The following AGAP4 variants were observed in gnomAD, a reference collection of about 807,000 sequenced individuals.
The protein encoded by AGAP4 is ArfGAP with GTPase domain, ankyrin repeat and PH domain 4.
Under a neutral mutation model 60.7 loss-of-function variants are expected in AGAP4, and 13 were observed. That is an observed-to-expected ratio of 0.21 (90% CI 0.14 to 0.34). The LOEUF is 0.34. AGAP4 is among the 10% of genes least tolerant of loss of function. The pLI is 1.00. For missense variants in AGAP4, 169 were observed against 884.0 expected, an observed-to-expected ratio of 0.19 and a Z score of 10.26; for synonymous variants, 70 against 339.0, an observed-to-expected ratio of 0.21 and a Z score of 8.72.
rs1311980704 is a variant in AGAP4, at chr10:45,837,832, A to G, written c.397-3716T>C. Among the ~76,000 whole-genome samples, 3 of 150,994 alleles carry G rather than the reference A, an allele frequency of 2.0e-5. No individual in the cohort carries two copies. The South Asian group carries it at 6.3e-4, about 32-fold the overall frequency. ...AGGCAAAGACTTCATGACCAAGAAC[A>G]CAAAAGCAAATGCAACAGAAACAAA... On this transcript the variant is annotated intron_variant, in intron 4 of 7. Transcript: ENST00000616763.
rs1320676102 is a variant in AGAP4 at position 45,831,504 on chromosome 10, C to A, written c.498-75G>T. The A allele has an allele frequency of 1.9e-5, 24 of 1,287,120 alleles. No individual in the cohort carries two copies. The African/African-American group carries it at 2.7e-4, about 15-fold the overall frequency. 79.7% of individuals were successfully genotyped at this position (1,287,120 alleles called of 1,614,324 possible). ...CTGAAGACATTTTTTAAAAGGGGGGCAGAGGAAACTCTCCTAGTGGCCCTG... is the reference window on the plus strand; with the variant it reads ...CTGAAGACATTTTTTAAAAGGGGGGAAGAGGAAACTCTCCTAGTGGCCCTG... On this transcript the variant is annotated intron_variant, in intron 5 of 7. Coordinates refer to ENST00000616763, the MANE Select transcript of AGAP4 (RefSeq NM_001276343.3).
intron 2 of AGAP4, 131 bp from the exon 3 acceptor site, chr10:45,844,525 T>C: frequency 2.7e-6 from 4 of 1,474,078 alleles, no homozygotes; most frequent in South Asian, 1.3e-5. Context: ...GAAATGAATG[T>C]ATAGACATAA....
intron 4 of AGAP4, among the ~76,000 whole-genome samples, chr10:45,838,355 G>A (rs1232088071): frequency 6.6e-6 from 1 of 151,912 alleles, no homozygotes; most frequent in Admixed American, 6.6e-5. Context: ...TACTGCTCAG[G>A]TGACGGGTGC....
chr10:45,834,995 G>A (rs1489806736), intron 4 of AGAP4, among the ~76,000 whole-genome samples: 15 of 146,242 alleles, frequency 1.0e-4, no homozygotes, highest in Non-Finnish European at 1.5e-4. Flanking sequence ...GGATGGTCTC[G>A]ATCTCCTCAC....
At chr10:45,847,515 G>A, upstream of AGAP4, 2 of 1,507,866 alleles carry the variant, frequency 1.3e-6, 1 homozygote, top group African/African-American at 3.4e-5. Flanking sequence ...CCCTGGCCCT[G>A]GCCCCGGCCC....
chr10:45,842,639 A>C lies in AGAP4; in HGVS notation c.362-952T>G, dbSNP rs1236233510. On this transcript the variant is annotated intron_variant, in intron 3 of 7. Transcript: ENST00000616763. ...TTTTCCCTAAAAAGAGGCCAGAATA[A>C]TAAAAGCCCCAAGAGGGACTTGGGC... Among the ~76,000 whole-genome samples the C allele has an allele frequency of 4.0e-5, 6 of 148,150 alleles. 1 individual carries two copies. Among genetic ancestry groups the C allele is most frequent in the Non-Finnish European group, 5.9e-5 (4 of 67,956 alleles).
intron 2 of AGAP4, among the ~76,000 whole-genome samples, chr10:45,845,634 G>C (rs1489855011): frequency 9.1e-6 from 1 of 109,574 alleles, no homozygotes; most frequent in Non-Finnish European, 2.0e-5. Context: ...ACGGAGTCTC[G>C]CTCTGTCACC....
Position 45,831,419 on chromosome 10 carries a change from C to T in AGAP4, c.508G>A (p.Glu170Lys), listed in dbSNP as rs2058730323. The T allele has an allele frequency of 3.2e-6, 5 of 1,587,074 alleles. No homozygotes were observed. The highest frequency in any genetic ancestry group is 1.4e-5 in the African/African-American group (1 of 73,654). Residue 170 changes from glutamate (E) to lysine (K), a missense_variant, in exon 6 of 8, where the codon GAG (glutamate) becomes AAG (lysine). Coordinates refer to ENST00000616763, the MANE Select transcript of AGAP4 (RefSeq NM_001276343.3). ...CTTTGTGTGATATGATGAGGTATCT[C>T]CAAGGTCACACTGTGGAAGGAAAAA... Reference protein sequence around the residue: ...LTMTIISVTLEIPHHITQRDA... With the variant: ...LTMTIISVTLKIPHHITQRDA...
At chr10:45,854,064 G>A, upstream of AGAP4, 1 of 333,026 alleles carries the variant, frequency 3.0e-6, no homozygotes, top group Non-Finnish European at 4.8e-6. Flanking sequence ...GCAGACAATA[G>A]CTACGACCTG....
chr10:45,836,891 G>A (rs2058826726), intron 4 of AGAP4, among the ~76,000 whole-genome samples: 1 of 147,078 alleles, frequency 6.8e-6, no homozygotes, highest in Non-Finnish European at 1.5e-5. Context: ...TTGAGATGGA[G>A]TCTCGCTCTG....
At chr10:45,841,451 G>A in intron 4 of AGAP4, 1 of 456,142 alleles carries the variant, frequency 2.2e-6, no homozygotes, top group Admixed American at 3.8e-5. Flanking sequence ...TTAAATGTCA[G>A]AAATCTTTAA....
chr10:45,836,298 C>T (rs368915417), intron 4 of AGAP4, among the ~76,000 whole-genome samples: 10,874 of 151,310 alleles, frequency 0.072, 273 homozygotes, highest in Non-Finnish European at 0.11. Context: ...TAAGCTTGGT[C>T]GCTTCTGGGG....
Position 45,826,929 on chromosome 10 carries a change from T to C in AGAP4, c.1047A>G (p.Thr349=), listed in dbSNP as rs782615545. Residue 349 remains threonine (T), a synonymous_variant, in exon 8 of 8, where the codon ACA becomes ACG. Coordinates refer to ENST00000616763, the MANE Select transcript of AGAP4 (RefSeq NM_001276343.3). ...AGGTGGAGATGGGTGTGCAGGCCGATGTGGCTAGGGATGGCCACTTTCCTG... is the reference window on the plus strand; with the variant it reads ...AGGTGGAGATGGGTGTGCAGGCCGACGTGGCTAGGGATGGCCACTTTCCTG... ...KVPGKWPSLA[T]SACTPISTSK... 4.4e-6 allele frequency: 6 copies of C among 1,370,342 alleles called. 2 individuals are homozygous for C. The highest frequency in any genetic ancestry group is 6.0e-6 in the Non-Finnish European group (6 of 994,702). The allele number at this position is 1,370,342 out of a possible 1,614,324, so 84.9% of individuals were successfully genotyped here.
upstream of AGAP4, chr10:45,854,059 C>T (rs1359252825): frequency 1.4e-5 from 5 of 352,488 alleles, no homozygotes; most frequent in Non-Finnish European, 2.3e-5. Flanking sequence ...GCAGGGCAGA[C>T]AATAGCTACG....
chr10:45,850,099 T>C (rs1223774290), upstream of AGAP4, among the ~76,000 whole-genome samples: 3 of 151,804 alleles, frequency 2.0e-5, no homozygotes, highest in Non-Finnish European at 4.4e-5. Flanking sequence ...TCAGCTAATG[T>C]TTGTATTTTA....
At chr10:45,847,515 G>T (rs1299381775), upstream of AGAP4, 8 of 1,507,868 alleles carry the variant, frequency 5.3e-6, no homozygotes, top group Non-Finnish European at 8.8e-7. Context: ...CCCTGGCCCT[G>T]GCCCCGGCCC....
chr10:45,836,868 CTTT>C (rs1308412888), intron 4 of AGAP4, among the ~76,000 whole-genome samples: 1 of 121,536 alleles, frequency 8.2e-6, no homozygotes, highest in Admixed American at 8.6e-5. Context: ...GGTGGATTAT[CTTT>C]TTTTTTTTTT....
upstream of AGAP4, among the ~76,000 whole-genome samples, chr10:45,852,454 G>T (rs1158142140): frequency 4.2e-4 from 62 of 147,544 alleles, no homozygotes; most frequent in Non-Finnish European, 7.0e-4. Flanking sequence ...CCCACAAAAA[G>T]TTAAAAGAAA....
At chr10:45,849,643 A>ATTTTTTTT (rs533771653), upstream of AGAP4, among the ~76,000 whole-genome samples, 6 of 140,014 alleles carry the variant, frequency 4.3e-5, no homozygotes, top group African/African-American at 5.3e-5. Flanking sequence ...GCTGAACACT[A>ATTTTTTTT]TTTTTTTTTT....
Sources: allele counts gnomAD v4.1 joint callset (sites outside exome capture counted in the v4.1 genomes callset), GRCh38; gene constraint gnomAD v4.1.1; transcripts MANE v1.5; gene names NCBI Gene and HGNC (gene_info 2026-07-23, HGNC 2026-07-21).